The following ATP13A3 variants were observed in gnomAD, a reference collection of about 807,000 sequenced individuals.
ATP13A3 encodes ATPase 13A3.
In ATP13A3, 59 loss-of-function variants were observed where a neutral mutation model predicts 158.1. That is an observed-to-expected ratio of 0.37 (90% confidence interval 0.30 to 0.46). The LOEUF (loss-of-function observed/expected upper bound fraction) is 0.46, where lower values mean the gene tolerates loss of function less well. ATP13A3 is among the 20% of genes least tolerant of loss of function. ATP13A3 has a pLI of 1.00. For missense variants in ATP13A3, 1,166 were observed against 1,525.2 expected (o/e 0.76, Z 3.92); for synonymous variants, 491 against 504.3 (o/e 0.97, Z 0.35).
intron 28 of ATP13A3, among the ~76,000 whole-genome samples, chr3:194,427,480 T>A (rs1365542340): frequency 6.6e-6 from 1 of 151,986 alleles, no homozygotes; most frequent in Non-Finnish European, 1.5e-5. Flanking sequence ...TTTACATTTC[T>A]ATTGAAATTC....
chr3:194,442,591 A>G (rs1468326266), intron 15 of ATP13A3, among the ~76,000 whole-genome samples: 1 of 152,164 alleles, frequency 6.6e-6, no homozygotes, highest in Non-Finnish European at 1.5e-5. Flanking sequence ...CTTGGAAAGA[A>G]CCAAGTAAAC....
chr3:194,454,990 C>T (rs969458131), intron 8 of ATP13A3, among the ~76,000 whole-genome samples: 3 of 152,236 alleles, frequency 2.0e-5, no homozygotes, highest in Non-Finnish European at 4.4e-5. Context: ...TGATTTTAGC[C>T]GTTCTGCAAT....
chr3:194,403,113 A>G lies in ATP13A3; in HGVS notation c.*2806T>C, dbSNP rs917296491. 2.0e-5 allele frequency: 3 copies of G among 152,238 alleles called. No individual in the cohort carries two copies. Among genetic ancestry groups the G allele is most frequent in the African/African-American group, 7.2e-5 (3 of 41,468 alleles). The allele number at this position is 152,238 out of a possible 1,614,324, so 9.4% of individuals were successfully genotyped here. On this transcript the variant is annotated 3_prime_UTR_variant, in exon 34 of 34. Coordinates refer to ENST00000645319, the MANE Select transcript of ATP13A3 (RefSeq NM_001367549.1). ...AAGCTTGAATTTTGCTCTTCACTGG[A>G]TAATGTTATCTATAGCTGTTTCTGT...
chr3:194,416,609 G>A (rs1715874005), intron 31 of ATP13A3, among the ~76,000 whole-genome samples: 1 of 152,166 alleles, frequency 6.6e-6, no homozygotes, highest in African/African-American at 2.4e-5. Context: ...ACGTCCTTTA[G>A]AGACAAGAGT....
In ATP13A3 at chr3:194,459,890, A is replaced by T; in HGVS notation, c.307T>A (p.Ser103Thr). ...TYPVSSPKSM[S>T]NKLSNGHAVC... ...GCATGGCCATTTGAAAGCTTATTAG[A>T]CATAGATTTTGGACTTGAAACTGGG... The change falls in exon 5 of 34, where the codon TCT (serine) becomes ACT (threonine). Residue 103 changes from serine (S) to threonine (T), a missense_variant. Around this residue, in one of 3 missense-constraint regions of ATP13A3, gnomAD observed 104 missense variants for 91.7 expected, o/e 1.13. Coordinates refer to ENST00000645319, the MANE Select transcript of ATP13A3 (RefSeq NM_001367549.1). The T allele has an allele frequency of 1.2e-6, 2 of 1,613,438 alleles. No individual in the cohort carries two copies. Among genetic ancestry groups the T allele is most frequent in the South Asian group, 1.1e-5 (1 of 91,024 alleles).
At chr3:194,456,273 C>A (rs1285522309) in intron 7 of ATP13A3, among the ~76,000 whole-genome samples, 1 of 151,846 alleles carries the variant, frequency 6.6e-6, no homozygotes, top group East Asian at 1.9e-4. Flanking sequence ...TAGATCTTAA[C>A]AATTTTGAAT....
rs762835995 is a variant in ATP13A3 at position 194,403,156 on chromosome 3, T to C, written c.*2763A>G. 62 of 152,344 alleles carry C rather than the reference T, an allele frequency of 4.1e-4. No individual in the cohort carries two copies. The highest frequency in any genetic ancestry group is 9.1e-4 in the Admixed American group (14 of 15,302). 9.4% of individuals were successfully genotyped at this position (152,344 alleles called of 1,614,324 possible). A position where few individuals can be genotyped will look rare whatever the true frequency, so the allele number is the denominator to read the frequency against. On this transcript the variant is annotated 3_prime_UTR_variant, in exon 34 of 34. Transcript: ENST00000645319. ...GTTTCTGTAACAGACTACATAAACA[T>C]TGATATATTATTTACCATGCCTTTG...
rs1038837373 is a variant in ATP13A3 at position 194,451,253 on chromosome 3, C to T, written c.839-977G>A. 7.2e-5 allele frequency: 11 copies of T among 152,078 alleles called. No individual in the cohort carries two copies. The South Asian group carries it at 8.3e-4, about 11-fold the overall frequency. 9.4% of individuals were successfully genotyped at this position (152,078 alleles called of 1,614,324 possible). On this transcript the variant is annotated intron_variant, in intron 10 of 33. Transcript: ENST00000645319. ...GTACATAGTAGATATTATCGATCTT[C>T]GTTTTAAAAATAAGATCCCTTCTTT...
intron 3 of ATP13A3, 120 bp from the exon 4 acceptor site, chr3:194,460,951 T>C: frequency 9.3e-7 from 1 of 1,079,750 alleles, no homozygotes; most frequent in Non-Finnish European, 1.3e-6. Flanking sequence ...ACATAAACTG[T>C]AAATATTTTC....
chr3:194,419,815 G>A, intron 31 of ATP13A3, 64 bp downstream of exon 31: 1 of 1,515,348 alleles, frequency 6.6e-7, no homozygotes, highest in Middle Eastern at 1.7e-4. Flanking sequence ...AAGAGATCCT[G>A]GAAAAAAAGA....
chr3:194,442,056 G>T (rs983550105), intron 15 of ATP13A3, among the ~76,000 whole-genome samples: 11 of 152,134 alleles, frequency 7.2e-5, no homozygotes, highest in African/African-American at 2.7e-4. Context: ...ACTGAAGCAG[G>T]GTGGTTAAGT....
intron 16 of ATP13A3, among the ~76,000 whole-genome samples, chr3:194,440,114 A>G (rs1717939680): frequency 6.6e-6 from 1 of 152,170 alleles, no homozygotes; most frequent in Non-Finnish European, 1.5e-5. Context: ...GATCCTGTAA[A>G]TGTAAACAGA....
Position 194,403,123 on chromosome 3 carries a change from C to T in ATP13A3, c.*2796G>A, listed in dbSNP as rs1480546370. 6.6e-6 allele frequency: 1 copy of T among 152,154 alleles called. No homozygotes were observed. Among genetic ancestry groups the T allele is most frequent in the Non-Finnish European group, 1.5e-5 (1 of 68,012 alleles). 9.4% of individuals were successfully genotyped at this position (152,154 alleles called of 1,614,324 possible). ...TTTGCTCTTCACTGGATAATGTTAT[C>T]TATAGCTGTTTCTGTAACAGACTAC... On this transcript the variant is annotated 3_prime_UTR_variant, in exon 34 of 34. Coordinates refer to ENST00000645319, the MANE Select transcript of ATP13A3 (RefSeq NM_001367549.1).
rs760409058 is a variant in ATP13A3, at chr3:194,450,133, C to T, written c.970+12G>A. 7.4e-6 allele frequency: 12 copies of T among 1,612,362 alleles called. No individual in the cohort carries two copies. The highest frequency in any genetic ancestry group is 1.0e-5 in the Non-Finnish European group (12 of 1,179,276). On this transcript the variant is annotated intron_variant, in intron 11 of 33. Transcript: ENST00000645319. ...TGAACAACTCATGTTGATATTTACT[C>T]ATTTAGCTTACCTGTTAACATGCTT...
chr3:194,451,203 A>T (rs1291114726), intron 10 of ATP13A3: 2 of 152,198 alleles, frequency 1.3e-5, no homozygotes, highest in Non-Finnish European at 2.9e-5. Flanking sequence ...ATTATGAGGG[A>T]ACAACTTTTA....
intron 2 of ATP13A3, among the ~76,000 whole-genome samples, chr3:194,477,619 T>C (rs192914773): frequency 2.6e-5 from 4 of 152,302 alleles, no homozygotes; most frequent in Non-Finnish European, 4.4e-5. Context: ...AGTTAACACA[T>C]AAATTAGTGA....
intron 10 of ATP13A3, among the ~76,000 whole-genome samples, chr3:194,453,443 A>T (rs906678203): frequency 1.3e-5 from 2 of 148,546 alleles, no homozygotes; most frequent in Admixed American, 6.7e-5. Context: ...AAAAAAAAAT[A>T]GAAAAATTAG....
At chr3:194,435,107 A>G (rs191270174) in intron 20 of ATP13A3, among the ~76,000 whole-genome samples, 25 of 152,356 alleles carry the variant, frequency 1.6e-4, no homozygotes, top group Admixed American at 1.6e-3. Flanking sequence ...GTATGTATCT[A>G]TGAAATCTAA....
At chr3:194,425,086 G>C (rs887151376) in intron 30 of ATP13A3, among the ~76,000 whole-genome samples, 18 of 152,158 alleles carry the variant, frequency 1.2e-4, no homozygotes, top group Non-Finnish European at 1.8e-4. Flanking sequence ...TCCACAATGG[G>C]TTGCAGAAAT....
Sources: allele counts gnomAD v4.1 joint callset (sites outside exome capture counted in the v4.1 genomes callset), GRCh38; gene constraint gnomAD v4.1.1; regional missense constraint gnomAD v4.1.1; transcripts MANE v1.5; gene names NCBI Gene and HGNC (gene_info 2026-07-23, HGNC 2026-07-21).